The following NALCN variants were observed in gnomAD, a reference collection of about 807,000 sequenced individuals.
NALCN encodes sodium leak channel, non-selective, also known as sodium leak channel NALCN.
In NALCN, 111 loss-of-function variants were observed where a neutral mutation model predicts 225.3. That is an observed-to-expected ratio of 0.49 (90% CI 0.42 to 0.58). NALCN has a LOEUF of 0.58. NALCN is among the 20% of genes least tolerant of loss of function. The pLI is 0.00. For synonymous variants in NALCN, 764 were observed against 769.0 expected (o/e 0.99, Z 0.11); for missense variants, 1,378 against 2,202.4 (o/e 0.63, Z 7.49).
Position 101,242,430 on chromosome 13 carries a change from C to G in NALCN, c.1267-4508G>C, listed in dbSNP as rs550963322. The stretch of plus-strand genomic sequence containing the variant: ...TCAAACCAATGCTTTTTTCTTATTG[C>G]TTCACAACTAAATTGCTGGCTCACT... On this transcript the variant is annotated intron_variant, in intron 11 of 43. Transcript: ENST00000251127. 1.9e-5 allele frequency among the ~76,000 whole-genome samples: 2 copies of G among 105,324 alleles called. 1 individual carries two copies. Among genetic ancestry groups the G allele is most frequent in the African/African-American group, 6.8e-5 (2 of 29,332 alleles). The allele number at this position is 105,324 out of a possible 152,430, so 69.1% of individuals were successfully genotyped here.
intron 17 of NALCN, among the ~76,000 whole-genome samples, chr13:101,133,072 CTCAA>C (rs2036595150): frequency 6.6e-6 from 1 of 152,126 alleles, no homozygotes; most frequent in Non-Finnish European, 1.5e-5. Flanking sequence ...CATCAAAACT[CTCAA>C]TCAATCAGAA....
intron 7 of NALCN, among the ~76,000 whole-genome samples, chr13:101,299,256 G>A (rs974138006): frequency 2.0e-5 from 3 of 152,160 alleles, no homozygotes; most frequent in African/African-American, 7.2e-5. Flanking sequence ...TAGAATTTGG[G>A]GGAAGGGAGG....
chr13:101,395,501 T>A, intron 2 of NALCN, 136 bp from the exon 3 acceptor site: 1 of 725,008 alleles, frequency 1.4e-6, no homozygotes, highest in Non-Finnish European at 2.1e-6. Context: ...AGAAGAAATC[T>A]AACACTAAGT....
chr13:101,237,866 TC>T lies in NALCN; in HGVS notation c.1322del (p.Gly441AspfsTer18). ...GAGATGAGCTAATATATCCAGTAAA[TC>T]CCAAACACCATATCTTCAGAAGTGC... ...LEALLKIWCLGFTGYISSSLH... is the reference protein window; with the variant it reads ...LEALLKIWCLXFTGYISSSLH... On this transcript the variant is annotated frameshift_variant, in exon 12 of 44. Transcript: ENST00000251127. LOFTEE classifies it high-confidence loss of function. 2 of 1,605,700 alleles carry T rather than the reference TC, an allele frequency of 1.2e-6. No homozygotes were observed. Among genetic ancestry groups the T allele is most frequent in the Non-Finnish European group, 1.7e-6 (2 of 1,176,404 alleles).
intron 7 of NALCN, among the ~76,000 whole-genome samples, chr13:101,304,758 CTTT>C (rs769247590): frequency 1.6e-5 from 2 of 122,802 alleles, no homozygotes; most frequent in Non-Finnish European, 1.6e-5. Context: ...TTTTTCTTTT[CTTT>C]TTTTTTTTTT....
At position 101,068,599 on chromosome 13, in the gene NALCN, AC is replaced by A. The variant is rs888663541; in HGVS notation, c.4330+95del. Reference sequence around the variant, plus strand: ...TTATAATTAATGCCATGAAACACCCACCCCAAGAAATCCAGGGTAATTGCTT... The same window carrying A: ...TTATAATTAATGCCATGAAACACCCACCCAAGAAATCCAGGGTAATTGCTT... On this transcript the variant is annotated intron_variant, in intron 38 of 43. Transcript: ENST00000251127. 7.1e-6 allele frequency: 9 copies of A among 1,262,422 alleles called. No individual in the cohort carries two copies. In the African/African-American group the frequency reaches 1.4e-4, roughly 20 times the overall value. The allele number at this position is 1,262,422 out of a possible 1,614,324, so 78.2% of individuals were successfully genotyped here.
intron 7 of NALCN, among the ~76,000 whole-genome samples, chr13:101,317,115 G>T (rs1043334711): frequency 6.6e-6 from 1 of 151,882 alleles, no homozygotes; most frequent in African/African-American, 2.4e-5. Flanking sequence ...TTTTGTTTTC[G>T]AGGGATTAAA....
intron 11 of NALCN, 56 bp downstream of exon 11, chr13:101,258,387 T>C: frequency 6.2e-7 from 1 of 1,606,994 alleles, no homozygotes; most frequent in Non-Finnish European, 8.5e-7. Context: ...TAAGAGGCAC[T>C]GTCCGCGGTT....
chr13:101,105,948 G>T (rs1430554081), intron 22 of NALCN, among the ~76,000 whole-genome samples: 1 of 152,150 alleles, frequency 6.6e-6, no homozygotes, highest in African/African-American at 2.4e-5. Context: ...GTGTGTATTA[G>T]TTTCCTCGAG....
At chr13:101,055,518 T>C (rs546337148) in intron 43 of NALCN, 30 bp from the exon 44 acceptor site, 1 of 1,590,950 alleles carries the variant, frequency 6.3e-7, no homozygotes, top group Admixed American at 1.7e-5. Flanking sequence ...TATGAGCCAC[T>C]TGGTATTGCT....
chr13:101,342,618 C>T (rs1484715674), intron 7 of NALCN, among the ~76,000 whole-genome samples: 3 of 152,172 alleles, frequency 2.0e-5, no homozygotes, highest in African/African-American at 7.2e-5. Context: ...CCACAGTAGG[C>T]AGAATCTTCT....
intron 7 of NALCN, among the ~76,000 whole-genome samples, chr13:101,333,391 T>C (rs7326787): frequency 0.13 from 19,679 of 152,254 alleles, 2,225 homozygotes; most frequent in African/African-American, 0.31. Flanking sequence ...TATTTTGCTT[T>C]TATGATTCCA....
chr13:101,095,686 G>A lies in NALCN; in HGVS notation c.3163-6C>T. The stretch of plus-strand genomic sequence containing the variant: ...AATATGCCATTGCAATCTTCCTAAA[G>A]TAGAAAAACAAGAGGAGAGGGGAAA... On this transcript the variant is annotated splice_polypyrimidine_tract_variant and splice_region_variant and intron_variant, in intron 27 of 43. Transcript: ENST00000251127. 2 of 1,604,308 alleles carry A rather than the reference G, an allele frequency of 1.2e-6. No individual in the cohort carries two copies. The highest frequency in any genetic ancestry group is 1.3e-5 in the African/African-American group (1 of 74,518).
At chr13:101,206,052 A>C (rs2040300209) in intron 13 of NALCN, among the ~76,000 whole-genome samples, 2 of 151,942 alleles carry the variant, frequency 1.3e-5, no homozygotes, top group South Asian at 4.2e-4. Flanking sequence ...AATAAACCAC[A>C]CTTCAGACAT....
intron 7 of NALCN, among the ~76,000 whole-genome samples, chr13:101,325,383 G>A (rs994991335): frequency 2.0e-5 from 3 of 152,176 alleles, no homozygotes; most frequent in Non-Finnish European, 4.4e-5. Context: ...CTGAATGGAT[G>A]TTGATTTTTC....
chr13:101,116,980 G>A, intron 18 of NALCN: 1 of 515,882 alleles, frequency 1.9e-6, no homozygotes, highest in South Asian at 1.4e-5. Context: ...GATGCTAATG[G>A]GTGAGCTCGT....
chr13:101,073,251 C>G (rs957087776), intron 37 of NALCN, among the ~76,000 whole-genome samples: 3 of 152,028 alleles, frequency 2.0e-5, no homozygotes, highest in African/African-American at 7.2e-5. Flanking sequence ...AGCTGAGGGG[C>G]AGTGAACTAT....
intron 7 of NALCN, among the ~76,000 whole-genome samples, chr13:101,339,132 T>C (rs1268623170): frequency 1.3e-5 from 2 of 152,176 alleles, no homozygotes; most frequent in Non-Finnish European, 2.9e-5. Context: ...GGGGTAAGTA[T>C]TCAGAAAAGG....
At chr13:101,352,988 A>G (rs922520670) in intron 6 of NALCN, among the ~76,000 whole-genome samples, 24 of 152,226 alleles carry the variant, frequency 1.6e-4, no homozygotes, top group Non-Finnish European at 1.5e-5. Flanking sequence ...TAAGTAGCCC[A>G]ACAAATCCAC....
Sources: gnomAD v4.1 joint callset for allele counts (sites outside exome capture counted in the v4.1 genomes callset) on GRCh38, gnomAD v4.1.1 for gene constraint, MANE v1.5 for transcripts, NCBI Gene and HGNC (gene_info 2026-07-23, HGNC 2026-07-21) for gene names.